Variants in RPTOR observed in about 807,000 individuals in gnomAD.
The protein encoded by RPTOR is regulatory associated protein of MTOR complex 1, also known as regulatory-associated protein of mTOR.
Under a neutral mutation model 169.9 loss-of-function variants are expected in RPTOR, and 21 were observed. That is an observed-to-expected ratio of 0.12 (90% confidence interval 0.09 to 0.18). The LOEUF is 0.18. Ranked by LOEUF, RPTOR falls within the 10% of genes least tolerant of loss-of-function variation. The probability of loss-of-function intolerance (pLI) is 1.00; values close to 1 mark genes in which losing one functional copy is unlikely to be tolerated. For synonymous variants in RPTOR, 732 were observed against 753.2 expected, an observed-to-expected ratio of 0.97 and a Z score of 0.46; for missense variants, 1,133 against 1,855.9, an observed-to-expected ratio of 0.61 and a Z score of 7.16.
chr17:80,669,145 C>A (rs1036790671), intron 3 of RPTOR, among the ~76,000 whole-genome samples: 1 of 152,182 alleles, frequency 6.6e-6, no homozygotes, highest in Admixed American at 6.5e-5. Flanking sequence ...CAGCCAGGGG[C>A]TGGGGGCTTC....
At chr17:80,639,337 A>G (rs1380538521) in intron 2 of RPTOR, among the ~76,000 whole-genome samples, 1 of 151,706 alleles carries the variant, frequency 6.6e-6, no homozygotes, top group East Asian at 1.9e-4. Context: ...AACTACAAAG[A>G]TTGTCCGAGC....
intron 1 of RPTOR, among the ~76,000 whole-genome samples, chr17:80,616,179 C>T (rs973611682): frequency 6.6e-6 from 1 of 152,042 alleles, no homozygotes; most frequent in African/African-American, 2.4e-5. Flanking sequence ...ATGACTCAGT[C>T]CCATGATAAT....
rs140412525 is a variant in RPTOR, at chr17:80,671,283, A to G, written c.348+27473A>G. Reference sequence around the variant, plus strand: ...AGGCTCGGCACAGTAGGAAGCGCCAATGTTCCTGATAATCAAATTTATGGG... The same window carrying G: ...AGGCTCGGCACAGTAGGAAGCGCCAGTGTTCCTGATAATCAAATTTATGGG... On this transcript the variant is annotated intron_variant, in intron 3 of 33. Coordinates refer to ENST00000306801, the MANE Select transcript of RPTOR (RefSeq NM_020761.3). 3.8e-3 allele frequency among the ~76,000 whole-genome samples: 582 copies of G among 152,128 alleles called. 5 individuals are homozygous for G. The highest frequency in any genetic ancestry group is 0.011 in the African/African-American group (442 of 41,512).
intron 6 of RPTOR, among the ~76,000 whole-genome samples, chr17:80,777,203 C>A (rs1473808681): frequency 6.7e-6 from 1 of 150,074 alleles, no homozygotes; most frequent in African/African-American, 2.5e-5. Context: ...CATCATTGCA[C>A]TCCCAGTCTT....
At chr17:80,568,605 A>C (rs1165971625) in intron 1 of RPTOR, among the ~76,000 whole-genome samples, 2 of 152,166 alleles carry the variant, frequency 1.3e-5, no homozygotes, top group Non-Finnish European at 2.9e-5. Flanking sequence ...GTAGGATTAT[A>C]CTTTTCACCA....
intron 3 of RPTOR, 120 bp downstream of exon 3, chr17:80,643,930 GGCGCCT>G: frequency 1.3e-6 from 1 of 768,930 alleles, no homozygotes; most frequent in Admixed American, 2.5e-5. Context: ...TGTGTGGCAT[GGCGCCT>G]GCGCACTGCG....
rs528322746 is a variant in RPTOR at position 80,905,457 on chromosome 17, G to A, written c.2402-3354G>A. Reference sequence around the variant, plus strand: ...AAAAAAAAAAAAAAATTAGCTGGGCGTGGTGGTGGGCACCTGTAGTCCCAG... The same window carrying A: ...AAAAAAAAAAAAAAATTAGCTGGGCATGGTGGTGGGCACCTGTAGTCCCAG... On this transcript the variant is annotated intron_variant, in intron 20 of 33. Coordinates refer to ENST00000306801, the MANE Select transcript of RPTOR (RefSeq NM_020761.3). Among the ~76,000 whole-genome samples the A allele has an allele frequency of 1.5e-3, 224 of 151,380 alleles. 1 individual carries two copies. Among genetic ancestry groups the A allele is most frequent in the African/African-American group, 5.2e-3 (214 of 41,370 alleles).
chr17:80,940,975 G>A (rs1019145707), intron 25 of RPTOR, among the ~76,000 whole-genome samples: 10 of 152,224 alleles, frequency 6.6e-5, no homozygotes, highest in East Asian at 1.9e-4. Context: ...TGACATTTCC[G>A]GAAGGGAAGG....
At chr17:80,840,841 C>T (rs549370357) in intron 10 of RPTOR, among the ~76,000 whole-genome samples, 3 of 140,436 alleles carry the variant, frequency 2.1e-5, no homozygotes, top group Admixed American at 2.1e-4. Context: ...ACTCACCGCA[C>T]GGCAGCTCAC....
At chr17:80,555,424 C>T (rs2084396430) in intron 1 of RPTOR, among the ~76,000 whole-genome samples, 1 of 152,152 alleles carries the variant, frequency 6.6e-6, no homozygotes, top group Admixed American at 6.5e-5. Flanking sequence ...CCACCGCCCA[C>T]CCAGTAGCTC....
chr17:80,692,278 CGTTATGTTAT>C (rs71367010), intron 3 of RPTOR, among the ~76,000 whole-genome samples: 10,081 of 145,406 alleles, frequency 0.069, 457 homozygotes, highest in African/African-American at 0.12. Context: ...TGTCTGGCTA[CGTTATGTTAT>C]GTTATGTTAT....
intron 3 of RPTOR, among the ~76,000 whole-genome samples, chr17:80,700,768 GATGGTA>G (rs2066091528): frequency 1.4e-5 from 2 of 145,960 alleles, no homozygotes; most frequent in African/African-American, 2.7e-5. Context: ...TGGTGATGGT[GATGGTA>G]GAGATGATGA....
intron 20 of RPTOR, among the ~76,000 whole-genome samples, chr17:80,903,457 C>G (rs932072010): frequency 1.3e-5 from 2 of 152,260 alleles, no homozygotes; most frequent in Non-Finnish European, 2.9e-5. Flanking sequence ...CAGGCCTGCC[C>G]AGGCCTCTCA....
chr17:80,874,358 A>C (rs183770509), intron 13 of RPTOR, among the ~76,000 whole-genome samples: 1 of 152,196 alleles, frequency 6.6e-6, no homozygotes, highest in East Asian at 1.9e-4. Context: ...CACCACGCCC[A>C]GCTAATTTTT....
At chr17:80,626,140 C>T (rs918492909) in intron 2 of RPTOR, among the ~76,000 whole-genome samples, 2 of 152,060 alleles carry the variant, frequency 1.3e-5, no homozygotes, top group African/African-American at 4.8e-5. Flanking sequence ...GTAACCTCTG[C>T]CTCCTGGGTT....
chr17:80,931,129 C>T (rs1296144194), intron 24 of RPTOR, among the ~76,000 whole-genome samples: 40 of 152,198 alleles, frequency 2.6e-4, no homozygotes, highest in Admixed American at 2.6e-3. Context: ...GGAAATATTG[C>T]TCTGGTAAAA....
chr17:80,663,588 G>A (rs1257808670), intron 3 of RPTOR, among the ~76,000 whole-genome samples: 4 of 152,218 alleles, frequency 2.6e-5, no homozygotes, highest in African/African-American at 9.7e-5. Flanking sequence ...GGCAGGGAGT[G>A]AAGGCAGCCT....
At chr17:80,674,589 G>A (rs1401105651) in intron 3 of RPTOR, among the ~76,000 whole-genome samples, 1 of 151,980 alleles carries the variant, frequency 6.6e-6, no homozygotes, top group East Asian at 1.9e-4. Context: ...TCGCCACCAC[G>A]CCCAGAAGAG....
rs1217126521 is a variant in RPTOR at position 80,846,465 on chromosome 17, C to T, written c.1213-8C>T. The T allele has an allele frequency of 1.2e-6, 2 of 1,612,944 alleles. No individual in the cohort carries two copies. The highest frequency in any genetic ancestry group is 2.2e-5 in the South Asian group (2 of 91,054). On this transcript the variant is annotated splice_polypyrimidine_tract_variant and splice_region_variant and intron_variant, in intron 10 of 33. Coordinates refer to ENST00000306801, the MANE Select transcript of RPTOR (RefSeq NM_020761.3). ...CCCTAACAAGCACCTGTTCTGCTTG[C>T]CCCGCAGCACAGCCCGTTCTTCGCC...
Sources: gnomAD v4.1 joint callset for allele counts (sites outside exome capture counted in the v4.1 genomes callset) on GRCh38, gnomAD v4.1.1 for gene constraint, MANE v1.5 for transcripts, NCBI Gene and HGNC (gene_info 2026-07-23, HGNC 2026-07-21) for gene names.